Variants in BOP1 observed in about 807,000 individuals in gnomAD.
BOP1 encodes the protein BOP1 ribosomal biogenesis factor.
Under a neutral mutation model 82.9 loss-of-function variants are expected in BOP1, and 54 were observed. The observed-to-expected ratio is 0.65, with a 90% CI of 0.52 to 0.82. BOP1 has a LOEUF of 0.82. Among genes scored for constraint, BOP1 ranks in the 40% least tolerant of loss-of-function variants. BOP1 has a pLI of 0.00. For missense variants in BOP1, 1,170 were observed against 1,072.0 expected, an observed-to-expected ratio of 1.09 and a Z score of -1.28; for synonymous variants, 566 against 451.1, an observed-to-expected ratio of 1.25 and a Z score of -3.23.
Position 144,291,414 on chromosome 8 carries a change from A to T in BOP1, c.-44T>A. On this transcript the variant is annotated 5_prime_UTR_variant, in exon 1 of 16. Transcript: ENST00000569669. The surrounding 1 kb of genome is among the most constrained non-coding windows in gnomAD (Gnocchi z 4.1). ...CGCCACCCGCACAGCCGCTTCCGACAGCGACCGGGCCGCGTGCGCAGGAGG... is the reference window on the plus strand; with the variant it reads ...CGCCACCCGCACAGCCGCTTCCGACTGCGACCGGGCCGCGTGCGCAGGAGG... 6 of 1,104,076 alleles carry T rather than the reference A, an allele frequency of 5.4e-6. No individual in the cohort carries two copies. Among genetic ancestry groups the T allele is most frequent in the Non-Finnish European group, 6.6e-6 (6 of 903,432 alleles). 68.4% of individuals were successfully genotyped at this position (1,104,076 alleles called of 1,614,324 possible).
Position 144,263,677 on chromosome 8 carries a change from C to A in BOP1, c.1291+15G>T. On this transcript the variant is annotated intron_variant, in intron 10 of 15. Transcript: ENST00000569669. ...CCTGCCCCCCAGCTCAAGGCTGCCCCCAGCTCGGACCCACCTGAAACCAGC... is the reference window on the plus strand; with the variant it reads ...CCTGCCCCCCAGCTCAAGGCTGCCCACAGCTCGGACCCACCTGAAACCAGC... 10 of 1,582,336 alleles carry A rather than the reference C, an allele frequency of 6.3e-6. No individual in the cohort carries two copies. Among genetic ancestry groups the A allele is most frequent in the East Asian group, 2.3e-5 (1 of 42,916 alleles).
chr8:144,283,034 CAAA>C (rs527621932), intron 2 of BOP1, among the ~76,000 whole-genome samples: 2 of 134,782 alleles, frequency 1.5e-5, no homozygotes, highest in Non-Finnish European at 1.6e-5. Flanking sequence ...ACTAAAAATA[CAAA>C]AAAAAAAAAA....
At chr8:144,282,137 T>A (rs1845695617) in intron 2 of BOP1, among the ~76,000 whole-genome samples, 1 of 152,162 alleles carries the variant, frequency 6.6e-6, no homozygotes, top group South Asian at 2.1e-4. Flanking sequence ...CGCGCTGCCG[T>A]GTGCTGCTGG....
intron 3 of BOP1, chr8:144,266,499 G>C: frequency 1.0e-6 from 1 of 987,184 alleles, no homozygotes; most frequent in Non-Finnish European, 1.2e-6. Flanking sequence ...CTGCCACCGC[G>C]GGGCGCAGCC....
At chr8:144,283,221 A>G (rs920339737) in intron 2 of BOP1, among the ~76,000 whole-genome samples, 7 of 150,126 alleles carry the variant, frequency 4.7e-5, no homozygotes, top group African/African-American at 1.7e-4. Context: ...AAAAAAAAAA[A>G]AAAAGAAAGG....
Position 144,264,142 on chromosome 8 carries a change from G to T in BOP1, c.979C>A (p.Arg327Ser). The T allele has an allele frequency of 1.2e-6, 2 of 1,610,726 alleles. No homozygotes were observed. Among genetic ancestry groups the T allele is most frequent in the Non-Finnish European group, 1.7e-6 (2 of 1,179,348 alleles). ...PPEYLLSEEE[R>S]LAWEQQEPGE... ...GGCTCCTGCTGTTCCCACGCCAAGC[G>T]CTGTGGAGACCAAGACACAGGGGTG... Residue 327 changes from arginine (R) to serine (S), a missense_variant and splice_region_variant, in exon 8 of 16, where the codon CGC (arginine) becomes AGC (serine). Arg to Ser is a moderately radical substitution (Grantham distance 110). Transcript: ENST00000569669.
chr8:144,265,433 A>G, intron 3 of BOP1: 1 of 385,796 alleles, frequency 2.6e-6, no homozygotes, highest in Non-Finnish European at 4.8e-6. Flanking sequence ...GGCCTTAGGC[A>G]GAAGTGGGCA....
intron 2 of BOP1, among the ~76,000 whole-genome samples, chr8:144,278,951 G>A (rs979100623): frequency 1.3e-5 from 2 of 152,364 alleles, no homozygotes; most frequent in South Asian, 4.1e-4. Flanking sequence ...TTTTTACTCA[G>A]GGAAAAGGAA....
chr8:144,280,175 TG>T (rs1477434252), intron 2 of BOP1, among the ~76,000 whole-genome samples: 3 of 152,218 alleles, frequency 2.0e-5, no homozygotes, highest in African/African-American at 7.2e-5. Context: ...CCAAGAAGCT[TG>T]GAGCTGGCAG....
At chr8:144,283,218 A>G (rs1182351818) in intron 2 of BOP1, among the ~76,000 whole-genome samples, 11 of 149,290 alleles carry the variant, frequency 7.4e-5, no homozygotes, top group Non-Finnish European at 1.3e-4. Context: ...AAAAAAAAAA[A>G]AAAAAAAGAA....
chr8:144,291,283 G>T lies in BOP1; in HGVS notation c.88C>A (p.Pro30Thr). The T allele has an allele frequency of 6.8e-7, 1 of 1,461,498 alleles. No individual in the cohort carries two copies. The allele number at this position is 1,461,498 out of a possible 1,614,324, so 90.5% of individuals were successfully genotyped here. The change falls in exon 1 of 16, where the codon CCC (proline) becomes ACC (threonine). Residue 30 changes from proline (P) to threonine (T), a missense_variant. Coordinates refer to ENST00000569669, the MANE Select transcript of BOP1 (RefSeq NM_015201.5). The surrounding 1 kb of genome is among the most constrained non-coding windows in gnomAD (Gnocchi z 4.1). ...RRSEPELEPEPEPEPPLLCTS... is the reference protein window; with the variant it reads ...RRSEPELEPETEPEPPLLCTS... The stretch of plus-strand genomic sequence containing the variant: ...ATCGCCACAGTCACCTCCGGCTCGG[G>T]CTCAGGCTCCAGTTCGGGCTCAGAC...
intron 3 of BOP1, among the ~76,000 whole-genome samples, chr8:144,273,774 G>A (rs1046272817): frequency 1.3e-5 from 2 of 150,840 alleles, no homozygotes; most frequent in South Asian, 2.1e-4. Context: ...CGGGGCAGCC[G>A]CAGCTCAGCC....
At chr8:144,268,350 T>G (rs2130216574) in intron 3 of BOP1, 2 of 651,460 alleles carry the variant, frequency 3.1e-6, no homozygotes, top group East Asian at 5.6e-5. Flanking sequence ...CCCCAGCACC[T>G]GCCCGGGCCC....
At chr8:144,272,174 C>G (rs1247152378) in intron 3 of BOP1, among the ~76,000 whole-genome samples, 1 of 152,068 alleles carries the variant, frequency 6.6e-6, no homozygotes, top group Non-Finnish European at 1.5e-5. Context: ...CACCCCCCAC[C>G]GACACCCACC....
Position 144,289,127 on chromosome 8 carries a change from C to T in BOP1, c.277G>A (p.Gly93Arg), listed in dbSNP as rs782704530. 5 of 1,614,200 alleles carry T rather than the reference C, an allele frequency of 3.1e-6. No individual in the cohort carries two copies. The Admixed American group carries it at 5.0e-5, about 16-fold the overall frequency. Reference protein sequence around the residue: ...DGALDDEGHSGIKKTTEEQVQ... With the variant: ...DGALDDEGHSRIKKTTEEQVQ... ...TGCTCCTCAGTGGTCTTTTTAATCCCACTGTGGCCCTCGTCATCAAGGGCT... is the reference window on the plus strand; with the variant it reads ...TGCTCCTCAGTGGTCTTTTTAATCCTACTGTGGCCCTCGTCATCAAGGGCT... The change falls in exon 2 of 16, where the codon GGG becomes AGG. Residue 93 changes from glycine to arginine, a missense_variant. Coordinates refer to ENST00000569669, the MANE Select transcript of BOP1 (RefSeq NM_015201.5).
Position 144,263,498 on chromosome 8 carries a change from G to C in BOP1, c.1404C>G (p.Val468=). Residue 468 remains valine (V), a synonymous_variant, in exon 11 of 16, where the codon GTC becomes GTG. Coordinates refer to ENST00000569669, the MANE Select transcript of BOP1 (RefSeq NM_015201.5). The stretch of plus-strand genomic sequence containing the variant: ...CTTACACGGCTGCAGCCACCAGGCA[G>C]ACAGCGGGGCTGGGGTTCCAGGCCA... The part of the protein sequence containing the change: ...KSVAWNPSPA[V]CLVAAAVEDS... The C allele has an allele frequency of 1.3e-6, 2 of 1,598,788 alleles. No individual in the cohort carries two copies. Among genetic ancestry groups the C allele is most frequent in the East Asian group, 4.5e-5 (2 of 44,874 alleles).
chr8:144,263,257 G>GT lies in BOP1; in HGVS notation c.1568_1569insA (p.Gln524ProfsTer110). ...AGATGCGCAGCCGCAGGCCCACTTG[G>GT]CGCTCCTCCTCTGAGGCCTCCAGCC... is the stretch of plus-strand genomic sequence containing the variant. On this transcript the variant is annotated frameshift_variant, in exon 12 of 16. Transcript: ENST00000569669. LOFTEE classifies it high-confidence loss of function. The GT allele has an allele frequency of 1.9e-6, 3 of 1,594,940 alleles. No homozygotes were observed. Among genetic ancestry groups the GT allele is most frequent in the Non-Finnish European group, 2.5e-6 (3 of 1,179,252 alleles).
rs1160255746 is a variant in BOP1, at chr8:144,264,223, ACCT to A, written c.977_978+1del. 1.6e-5 allele frequency: 25 copies of A among 1,607,238 alleles called. No homozygotes were observed. In the East Asian group the frequency reaches 3.6e-4, roughly 23 times the overall value. ...GTCCCGGCCCCCAGGATGCAGGCCC[ACCT>A]CCTCCTCGCTGAGCAGGTATTCAGG... On this transcript the variant is annotated splice_donor_variant and coding_sequence_variant, in exon 7 of 16. Coordinates refer to ENST00000569669, the MANE Select transcript of BOP1 (RefSeq NM_015201.5). LOFTEE classifies it high-confidence loss of function.
chr8:144,264,258 G>A lies in BOP1; in HGVS notation c.945C>T (p.Asn315=). 6.2e-7 allele frequency: 1 copy of A among 1,610,714 alleles called. No individual in the cohort carries two copies. Among genetic ancestry groups the A allele is most frequent in the East Asian group, 2.2e-5 (1 of 44,854 alleles). The stretch of plus-strand genomic sequence containing the variant: ...CGCTGAGCAGGTATTCAGGGGGTGG[G>A]TTGTACGACTCGGCGTGGCCTGGCA... ...LALPGHAESY[N]PPPEYLLSEE... The change falls in exon 7 of 16, where the codon AAC becomes AAT. Residue 315 remains asparagine, a synonymous_variant. Coordinates refer to ENST00000569669, the MANE Select transcript of BOP1 (RefSeq NM_015201.5).
Sources: allele counts gnomAD v4.1 joint callset (sites outside exome capture counted in the v4.1 genomes callset), GRCh38; gene constraint gnomAD v4.1.1; non-coding constraint Gnocchi (gnomAD v3.1); transcripts MANE v1.5; gene names NCBI Gene and HGNC (gene_info 2026-07-23, HGNC 2026-07-21).